Variants in TTYH3 observed in about 807,000 individuals in gnomAD.
TTYH3 encodes tweety family member 3.
TTYH3 carries 23 observed loss-of-function variants against 68.2 expected under a neutral mutation model. The ratio of observed to expected loss-of-function variants is 0.34; its 90% CI spans 0.24 to 0.48. The LOEUF is 0.48. TTYH3 is among the 20% of genes least tolerant of loss of function. The probability of loss-of-function intolerance (pLI) is 0.99; values close to 1 mark genes in which losing one functional copy is unlikely to be tolerated. For missense variants in TTYH3, 768 were observed against 727.7 expected (o/e 1.06, Z -0.64); for synonymous variants, 360 against 332.8 (o/e 1.08, Z -0.89).
At chr7:2,638,108 G>A (rs964144902) in intron 1 of TTYH3, among the ~76,000 whole-genome samples, 2 of 152,144 alleles carry the variant, frequency 1.3e-5, no homozygotes, top group African/African-American at 4.8e-5. Context: ...TGTGTCTGGG[G>A]TTCGGCCGTG....
In TTYH3 at chr7:2,656,429, A is replaced by G. The variant is rs751431425; in HGVS notation, c.1145A>G (p.Tyr382Cys). The G allele has an allele frequency of 8.7e-6, 14 of 1,611,806 alleles. No individual in the cohort carries two copies. The East Asian group carries it at 1.1e-4, about 13-fold the overall frequency. Residue 382 changes from tyrosine (Y) to cysteine (C), a missense_variant, in exon 11 of 14, where the codon TAT (tyrosine) becomes TGT (cysteine). Tyr to Cys is a radical substitution (Grantham distance 194). Transcript: ENST00000258796. ...DYVQALTGFC[Y>C]DGVEGLIYLA... ...GTGCAAGCGCTGACCGGCTTCTGCT[A>G]TGACGGCGTGGAGGGCCTCATCTAC...
At chr7:2,661,013 C>G (rs962150787) in intron 13 of TTYH3, among the ~76,000 whole-genome samples, 1 of 152,226 alleles carries the variant, frequency 6.6e-6, no homozygotes, top group Non-Finnish European at 1.5e-5. Context: ...ACAGCGCCCC[C>G]TGCAGCCGCC....
In TTYH3 at chr7:2,652,202, A is replaced by C. The variant is rs751183280; in HGVS notation, c.887A>C (p.Tyr296Ser). The change falls in exon 8 of 14, where the codon TAC becomes TCC. Residue 296 changes from tyrosine (Y) to serine (S), a missense_variant. Transcript: ENST00000258796. ...CTCTCCGCAGACATCCTGCAGTACT[A>C]CCTGGCCTGCTCGCCCCGCGCCGCC... ...SVLSGDILQY[Y>S]LACSPRAANP... 155 of 1,613,144 alleles carry C rather than the reference A, an allele frequency of 9.6e-5. No homozygotes were observed. The highest frequency in any genetic ancestry group is 1.3e-4 in the Non-Finnish European group (153 of 1,180,016).
chr7:2,633,367 A>T (rs1247612181), intron 1 of TTYH3, among the ~76,000 whole-genome samples: 1 of 152,108 alleles, frequency 6.6e-6, no homozygotes, highest in Non-Finnish European at 1.5e-5. Flanking sequence ...CATCCAGAGG[A>T]GGGAGGCGGA....
chr7:2,658,741 C>G (rs928472914), intron 12 of TTYH3, among the ~76,000 whole-genome samples, 199 bp from the exon 13 acceptor site: 4 of 152,182 alleles, frequency 2.6e-5, no homozygotes, highest in African/African-American at 9.7e-5. Context: ...AGGGAGTGGA[C>G]TCTGGCTGGG....
At position 2,645,086 on chromosome 7, in the gene TTYH3, C is replaced by A. The variant is rs1214714098; in HGVS notation, c.124-1767C>A. ...AGGGCAGCGCAGGTGTGCCTGGTGG[C>A]CACCCCACAACACTGAGGGCCCCAG... On this transcript the variant is annotated intron_variant, in intron 1 of 13. Transcript: ENST00000258796. This position sits in a 1 kb window ranked among gnomAD's most constrained non-coding sequence, Gnocchi z 4.8. 6.6e-6 allele frequency among the ~76,000 whole-genome samples: 1 copy of A among 151,270 alleles called. No individual in the cohort carries two copies. The highest frequency in any genetic ancestry group is 1.5e-5 in the Non-Finnish European group (1 of 67,850).
At chr7:2,642,087 C>T (rs1257724203) in intron 1 of TTYH3, among the ~76,000 whole-genome samples, 2 of 152,224 alleles carry the variant, frequency 1.3e-5, no homozygotes, top group African/African-American at 4.8e-5. Context: ...CTGGCCCCAT[C>T]CAGGCAAGAA....
chr7:2,645,506 G>T lies in TTYH3; in HGVS notation c.124-1347G>T. On this transcript the variant is annotated intron_variant, in intron 1 of 13. Transcript: ENST00000258796. The surrounding 1 kb of genome is among the most constrained non-coding windows in gnomAD (Gnocchi z 4.8). Reference sequence around the variant, plus strand: ...GGTCGCCTGGCCTCGGGACAGGGGAGCTCTGGTGTCTGTTCTGTGGTCTGT... The same window carrying T: ...GGTCGCCTGGCCTCGGGACAGGGGATCTCTGGTGTCTGTTCTGTGGTCTGT... The T allele has an allele frequency of 4.6e-6, 1 of 219,386 alleles. No individual in the cohort carries two copies. The highest frequency in any genetic ancestry group is 5.3e-5 in the South Asian group (1 of 18,842). The allele number at this position is 219,386 out of a possible 1,614,324, so 13.6% of individuals were successfully genotyped here.
chr7:2,652,325 G>A (rs1035883733), intron 8 of TTYH3, 83 bp downstream of exon 8: 21 of 1,264,644 alleles, frequency 1.7e-5, no homozygotes, highest in Middle Eastern at 2.4e-4. Flanking sequence ...CAGGCCTGGC[G>A]CCTGGCTCCT....
rs1786102450 is a variant in TTYH3, at chr7:2,649,578, T to A, written c.734T>A (p.Leu245Gln). 3.1e-6 allele frequency: 5 copies of A among 1,590,946 alleles called. No individual in the cohort carries two copies. Among genetic ancestry groups the A allele is most frequent in the Non-Finnish European group, 2.6e-6 (3 of 1,174,626 alleles). The change falls in exon 6 of 14, where the codon CTG (leucine) becomes CAG (glutamine). Residue 245 changes from leucine to glutamine, a missense_variant. By Grantham distance (113) the Leu-to-Gln change is moderately radical. Transcript: ENST00000258796. The stretch of plus-strand genomic sequence containing the variant: ...TGTCTCTGCCCCAGGGTCTGCCTGC[T>A]GGGAGTCCTGGCCCTGGTCATCAGC... The part of the protein sequence containing the change: ...SKGILVGVCL[L>Q]GVLALVISWG...
At chr7:2,638,698 C>G (rs1222740534) in intron 1 of TTYH3, among the ~76,000 whole-genome samples, 2 of 152,194 alleles carry the variant, frequency 1.3e-5, no homozygotes, top group African/African-American at 2.4e-5. Flanking sequence ...GCGTGAAACC[C>G]AAACCCAGCC....
At position 2,656,055 on chromosome 7, in the gene TTYH3, A is replaced by C. The variant is rs1278025845; in HGVS notation, c.1021-37A>C. Reference sequence around the variant, plus strand: ...AGGCTGGCTCGAGGTCCCCCGTCCAAATGAAGTGCTGACCATCTGCGGTGC... The same window carrying C: ...AGGCTGGCTCGAGGTCCCCCGTCCACATGAAGTGCTGACCATCTGCGGTGC... On this transcript the variant is annotated intron_variant, in intron 9 of 13. Coordinates refer to ENST00000258796, the MANE Select transcript of TTYH3 (RefSeq NM_025250.3). The C allele has an allele frequency of 4.7e-6, 7 of 1,487,994 alleles. No individual in the cohort carries two copies. The East Asian group carries it at 1.8e-4, about 38-fold the overall frequency. The allele number at this position is 1,487,994 out of a possible 1,614,324, so 92.2% of individuals were successfully genotyped here.
At chr7:2,652,274 A>G in intron 8 of TTYH3, 32 bp downstream of exon 8, 1 of 1,602,328 alleles carries the variant, frequency 6.2e-7, no homozygotes, top group Non-Finnish European at 8.5e-7. Context: ...ACTGGGCTTC[A>G]GGAGAGTCTG....
chr7:2,647,621 T>A lies in TTYH3; in HGVS notation c.609T>A (p.Asp203Glu). The stretch of plus-strand genomic sequence containing the variant: ...TGGAGGTGCTGGCGGAGCAGGTGGA[T>A]CTCTACGACTGGTACAGGTGCGGCC... ...VSLEVLAEQV[D>E]LYDWYRWLGY... The change falls in exon 4 of 14, where the codon GAT becomes GAA. Residue 203 changes from aspartate (D) to glutamate (E), a missense_variant. By Grantham distance (45) the Asp-to-Glu change is conservative. Coordinates refer to ENST00000258796, the MANE Select transcript of TTYH3 (RefSeq NM_025250.3). 1 of 1,571,284 alleles carries A rather than the reference T, an allele frequency of 6.4e-7. No homozygotes were observed. Among genetic ancestry groups the A allele is most frequent in the Non-Finnish European group, 8.6e-7 (1 of 1,159,008 alleles).
rs190000517 is a variant in TTYH3, at chr7:2,640,097, C to T, written c.124-6756C>T. ...GGACACGGGCCCTATGTCTTCGCTT[C>T]CCTCCCTGCTCAGGGCAGACCCGCA... On this transcript the variant is annotated intron_variant, in intron 1 of 13. Coordinates refer to ENST00000258796, the MANE Select transcript of TTYH3 (RefSeq NM_025250.3). Among the ~76,000 whole-genome samples, 392 of 152,346 alleles carry T rather than the reference C, an allele frequency of 2.6e-3. 4 individuals are homozygous for T. The highest frequency in any genetic ancestry group is 8.9e-3 in the African/African-American group (371 of 41,580).
intron 1 of TTYH3, among the ~76,000 whole-genome samples, chr7:2,638,156 C>T (rs12700197): frequency 0.32 from 49,212 of 151,780 alleles, 8,166 homozygotes; most frequent in East Asian, 0.45. Flanking sequence ...GAGCTGATCC[C>T]GGAGATGGGG....
At position 2,647,862 on chromosome 7, in the gene TTYH3, C is replaced by T. The variant is rs3801078; in HGVS notation, c.627-97C>T. ...ACGCTCTGAATGCCCTCTGGGGTGC[C>T]AGGCTGCTGGCCTCAGCTCCCCCTC... On this transcript the variant is annotated intron_variant, in intron 4 of 13. Coordinates refer to ENST00000258796, the MANE Select transcript of TTYH3 (RefSeq NM_025250.3). The T allele has an allele frequency of 3.4e-5, 48 of 1,411,870 alleles. No homozygotes were observed. In the East Asian group the frequency reaches 1.1e-3, roughly 33 times the overall value. The allele number at this position is 1,411,870 out of a possible 1,614,324, so 87.5% of individuals were successfully genotyped here. A position where few individuals can be genotyped will look rare whatever the true frequency, so the allele number is the denominator to read the frequency against.
intron 9 of TTYH3, among the ~76,000 whole-genome samples, chr7:2,653,654 G>A (rs949406017): frequency 6.6e-6 from 1 of 152,208 alleles, no homozygotes; most frequent in African/African-American, 2.4e-5. Flanking sequence ...CTTGAGCCCA[G>A]GAATTCAATA....
Position 2,661,728 on chromosome 7 carries a change from G to A in TTYH3, c.1561G>A (p.Gly521Ser), listed in dbSNP as rs777400280. ...ATSQPRPDSS[G>S]SH ...GAGCCAGCCTCGCCCTGACTCCAGC[G>A]GCAGCCACTAGACCGCGCCCGGCAG... The change falls in exon 14 of 14, where the codon GGC (glycine) becomes AGC (serine). Residue 521 changes from glycine (G) to serine (S), a missense_variant. Coordinates refer to ENST00000258796, the MANE Select transcript of TTYH3 (RefSeq NM_025250.3). 10 of 1,610,314 alleles carry A rather than the reference G, an allele frequency of 6.2e-6. No individual in the cohort carries two copies. Among genetic ancestry groups the A allele is most frequent in the South Asian group, 5.5e-5 (5 of 91,000 alleles).
Sources: gnomAD v4.1 joint callset for allele counts (sites outside exome capture counted in the v4.1 genomes callset) on GRCh38, gnomAD v4.1.1 for gene constraint, Gnocchi (gnomAD v3.1) non-coding constraint, MANE v1.5 for transcripts, NCBI Gene and HGNC (gene_info 2026-07-23, HGNC 2026-07-21) for gene names.